SLC24A2: variants seen among roughly 807,000 people sequenced by gnomAD.
The protein encoded by SLC24A2 is solute carrier family 24 member 2.
SLC24A2 carries 36 observed loss-of-function variants against 62.0 expected under a neutral mutation model. The observed-to-expected ratio is 0.58, with a 90% confidence interval of 0.44 to 0.77. The LOEUF (loss-of-function observed/expected upper bound fraction) is 0.77. SLC24A2 is among the 30% of genes least tolerant of loss of function. The probability of loss-of-function intolerance (pLI) is 0.00; values close to 1 mark genes in which losing one functional copy is unlikely to be tolerated. For synonymous variants in SLC24A2, 358 were observed against 294.0 expected (o/e 1.22, Z -2.23); for missense variants, 846 against 817.9 (o/e 1.03, Z -0.42).
intron 2 of SLC24A2, among the ~76,000 whole-genome samples, chr9:19,763,174 G>C (rs574532551): frequency 2.0e-5 from 3 of 152,200 alleles, no homozygotes; most frequent in African/African-American, 7.2e-5. Flanking sequence ...TTTGTATCCT[G>C]AGACTTTGCT....
the SLC24A2 span, among the ~76,000 whole-genome samples, chr9:20,026,424 C>T: frequency 5.9e-5 from 9 of 152,156 alleles, no homozygotes; most frequent in Non-Finnish European, 1.2e-4. Flanking sequence ...CTATTATTAG[C>T]TATTATTTTA....
At chr9:19,752,251 A>C (rs1359605951) in intron 2 of SLC24A2, among the ~76,000 whole-genome samples, 2 of 152,078 alleles carry the variant, frequency 1.3e-5, no homozygotes, top group African/African-American at 4.8e-5. Flanking sequence ...GTAGATAGAA[A>C]TATACAGTAA....
the SLC24A2 span, among the ~76,000 whole-genome samples, chr9:20,109,833 G>A: frequency 1.3e-5 from 2 of 152,038 alleles, no homozygotes; most frequent in African/African-American, 4.8e-5. Context: ...CACACAAGGA[G>A]AGCACACAAA....
At position 19,579,253 on chromosome 9, in the gene SLC24A2, A is replaced by T. The variant is rs541390344; in HGVS notation, c.1130-2231T>A. ...AAAATAGAGAAAAAGAAATGCAAGGATGGAGGAGGCAGGCAGGGTCTATGA... is the reference window on the plus strand; with the variant it reads ...AAAATAGAGAAAAAGAAATGCAAGGTTGGAGGAGGCAGGCAGGGTCTATGA... On this transcript the variant is annotated intron_variant, in intron 5 of 10. Transcript: ENST00000341998. Among the ~76,000 whole-genome samples the T allele has an allele frequency of 2.6e-5, 4 of 152,306 alleles. No individual in the cohort carries two copies. In the East Asian group the frequency reaches 7.7e-4, roughly 29 times the overall value.
chr9:20,271,935 A>C, the SLC24A2 span, among the ~76,000 whole-genome samples: 1 of 152,166 alleles, frequency 6.6e-6, no homozygotes, highest in South Asian at 2.1e-4. Context: ...AGCAAAGAGG[A>C]AAACATGATC....
the SLC24A2 span, among the ~76,000 whole-genome samples, chr9:20,279,839 A>G: frequency 6.6e-6 from 1 of 152,222 alleles, no homozygotes; most frequent in Non-Finnish European, 1.5e-5. Flanking sequence ...GCTGGTCATA[A>G]GCAGGTCTCC....
At chr9:19,801,515 G>T in the SLC24A2 span, among the ~76,000 whole-genome samples, 27 of 152,202 alleles carry the variant, frequency 1.8e-4, no homozygotes, top group African/African-American at 6.5e-4. Flanking sequence ...TTAATAGAGT[G>T]AAAACAGAGC....
chr9:19,983,370 C>A, the SLC24A2 span, among the ~76,000 whole-genome samples: 1 of 152,180 alleles, frequency 6.6e-6, no homozygotes, highest in South Asian at 2.1e-4. Flanking sequence ...TGTGGCTGGG[C>A]ACGGTGGCTC....
At chr9:20,100,486 T>C in the SLC24A2 span, among the ~76,000 whole-genome samples, 5 of 152,222 alleles carry the variant, frequency 3.3e-5, no homozygotes, top group African/African-American at 1.2e-4. Context: ...TGCATTTCTC[T>C]TGCACATTTC....
At chr9:19,766,220 C>T (rs1448527884) in intron 2 of SLC24A2, among the ~76,000 whole-genome samples, 1 of 152,174 alleles carries the variant, frequency 6.6e-6, no homozygotes, top group Non-Finnish European at 1.5e-5. Flanking sequence ...AGGTTCTTAG[C>T]TTCCTTGCAT....
intron 2 of SLC24A2, among the ~76,000 whole-genome samples, chr9:19,743,582 G>A (rs540069336): frequency 1.3e-5 from 2 of 152,220 alleles, no homozygotes; most frequent in African/African-American, 4.8e-5. Context: ...TTTGAAGCTG[G>A]TGTTATATTC....
chr9:19,789,047 T>G (rs1823267243), upstream of SLC24A2: 1 of 703,380 alleles, frequency 1.4e-6, no homozygotes, highest in Non-Finnish European at 1.7e-6. Context: ...TGAGCCGCTG[T>G]GAGCCCGGCG....
intron 4 of SLC24A2, among the ~76,000 whole-genome samples, chr9:19,608,876 G>C (rs1437420587): frequency 1.3e-5 from 2 of 152,166 alleles, no homozygotes; most frequent in Non-Finnish European, 2.9e-5. Context: ...CGTTAGTTCA[G>C]TGGGCAAGGA....
the SLC24A2 span, among the ~76,000 whole-genome samples, chr9:20,042,700 C>G: frequency 3.9e-5 from 6 of 152,180 alleles, no homozygotes; most frequent in Non-Finnish European, 5.9e-5. Flanking sequence ...GTGTTTTTTA[C>G]AAATTGAAGG....
At chr9:19,988,779 A>T in the SLC24A2 span, among the ~76,000 whole-genome samples, 1 of 152,200 alleles carries the variant, frequency 6.6e-6, no homozygotes, top group Non-Finnish European at 1.5e-5. Context: ...CTGAAACAAA[A>T]CCAAGATCAG....
chr9:19,994,184 T>C, the SLC24A2 span, among the ~76,000 whole-genome samples: 1 of 151,998 alleles, frequency 6.6e-6, no homozygotes, highest in African/African-American at 2.4e-5. Flanking sequence ...GTGATGACAA[T>C]CTCCTTCGTC....
chr9:19,910,638 C>T, the SLC24A2 span, among the ~76,000 whole-genome samples: 1 of 152,046 alleles, frequency 6.6e-6, no homozygotes, highest in African/African-American at 2.4e-5. Flanking sequence ...ATGTACTTAA[C>T]CCTGTAACTG....
Position 19,515,770 on chromosome 9 carries a change from T to C in SLC24A2, c.*383A>G, listed in dbSNP as rs558890621. 2.4e-5 allele frequency: 7 copies of C among 285,892 alleles called. No individual in the cohort carries two copies. The highest frequency in any genetic ancestry group is 4.8e-5 in the Non-Finnish European group (7 of 144,608). The allele number at this position is 285,892 out of a possible 1,614,324, so 17.7% of individuals were successfully genotyped here. ...ATCTATAGGTATGCAAGGAGAGGTA[T>C]AGTACAGGAACAGGCAGGATTTGTG... is the stretch of plus-strand genomic sequence containing the variant. On this transcript the variant is annotated 3_prime_UTR_variant, in exon 11 of 11. Coordinates refer to ENST00000341998, the MANE Select transcript of SLC24A2 (RefSeq NM_020344.4).
chr9:20,216,261 A>C, the SLC24A2 span, among the ~76,000 whole-genome samples: 1 of 152,226 alleles, frequency 6.6e-6, no homozygotes, highest in African/African-American at 2.4e-5. Context: ...AAATACCAGC[A>C]GTAGATGAAA....
Sources: allele counts gnomAD v4.1 joint callset (sites outside exome capture counted in the v4.1 genomes callset), GRCh38; gene constraint gnomAD v4.1.1; transcripts MANE v1.5; gene names NCBI Gene and HGNC (gene_info 2026-07-23, HGNC 2026-07-21).